URI1: variants seen among roughly 807,000 people sequenced by gnomAD.
The protein encoded by URI1 is unconventional prefoldin RPB5 interactor 1.
Under a neutral mutation model 60.2 loss-of-function variants are expected in URI1, and 39 were observed. The observed-to-expected ratio is 0.65, with a 90% CI of 0.50 to 0.85. The LOEUF (loss-of-function observed/expected upper bound fraction) is 0.85. Ranked by LOEUF, URI1 falls within the 40% of genes least tolerant of loss-of-function variation. The pLI, the probability that URI1 is intolerant of heterozygous loss-of-function variation, is 0.00. For missense variants in URI1, 691 were observed against 665.9 expected, an observed-to-expected ratio of 1.04 and a Z score of -0.42; for synonymous variants, 251 against 236.8, an observed-to-expected ratio of 1.06 and a Z score of -0.55.
intron 1 of URI1, among the ~76,000 whole-genome samples, chr19:29,931,910 TTGTGTGTG>T (rs56181840): frequency 1.6e-4 from 23 of 139,990 alleles, no homozygotes; most frequent in African/African-American, 4.8e-4. Flanking sequence ...GCTCTAACAG[TTGTGTGTG>T]TGTGTGTGTG....
intron 2 of URI1, among the ~76,000 whole-genome samples, chr19:29,982,116 A>T (rs1269447594): frequency 6.6e-6 from 1 of 152,222 alleles, no homozygotes; most frequent in Admixed American, 6.5e-5. Flanking sequence ...AGTTTCTTCC[A>T]GAGACATTGC....
chr19:29,997,479 T>C (rs1452908600), intron 4 of URI1, among the ~76,000 whole-genome samples: 1 of 152,144 alleles, frequency 6.6e-6, no homozygotes. Context: ...TTGTTGATCT[T>C]GTAAAAAACC....
chr19:29,965,602 A>G (rs1053901760), intron 1 of URI1, among the ~76,000 whole-genome samples: 11 of 152,328 alleles, frequency 7.2e-5, no homozygotes, highest in African/African-American at 1.9e-4. Flanking sequence ...GCCCTACCTC[A>G]TGGAGCTTTC....
At chr19:29,982,130 ACTC>A (rs1206554000) in intron 2 of URI1, among the ~76,000 whole-genome samples, 2 of 151,528 alleles carry the variant, frequency 1.3e-5, no homozygotes, top group Non-Finnish European at 2.9e-5. Context: ...ACATTGCTTG[ACTC>A]CTCCTGGCCT....
chr19:29,948,343 A>AGT (rs1230381309), intron 1 of URI1, among the ~76,000 whole-genome samples: 2 of 152,186 alleles, frequency 1.3e-5, no homozygotes, highest in Non-Finnish European at 2.9e-5. Context: ...TTTACCATTA[A>AGT]GTGTGGTATT....
intron 1 of URI1, among the ~76,000 whole-genome samples, chr19:29,944,737 A>C (rs950479347): frequency 3.3e-5 from 5 of 152,216 alleles, no homozygotes; most frequent in African/African-American, 9.6e-5. Flanking sequence ...GTGTAAAATT[A>C]TCCCCAGTTC....
chr19:29,943,648 A>G (rs1159210915), intron 1 of URI1, among the ~76,000 whole-genome samples: 1 of 152,100 alleles, frequency 6.6e-6, no homozygotes, highest in Non-Finnish European at 1.5e-5. Context: ...ACTCAGTTCT[A>G]CTAGATGGGG....
chr19:29,942,210 TG>T, upstream of URI1: 2 of 984,228 alleles, frequency 2.0e-6, no homozygotes, highest in Non-Finnish European at 2.4e-6. Flanking sequence ...CCTGCGCGCT[TG>T]CTTCCGGCGT....
intron 1 of URI1, among the ~76,000 whole-genome samples, chr19:29,947,921 A>G (rs1033354116): frequency 1.6e-4 from 24 of 152,178 alleles, no homozygotes; most frequent in Non-Finnish European, 2.9e-4. Flanking sequence ...TGCTTTTCAC[A>G]TTGAGAATCT....
Position 29,942,283 on chromosome 19 carries a change from A to G in URI1, c.-265A>G, listed in dbSNP as rs1320004972. 1.8e-5 allele frequency: 18 copies of G among 984,812 alleles called. No individual in the cohort carries two copies. The highest frequency in any genetic ancestry group is 2.2e-5 in the Non-Finnish European group (18 of 829,654). The allele number at this position is 984,812 out of a possible 1,614,324, so 61.0% of individuals were successfully genotyped here. ...CCACGCGACGCCTGGCTGGGCCCGC[A>G]CCGGAGAGGCGTCTCGGTACCTGGC... On this transcript the variant is annotated 5_prime_UTR_variant, in exon 1 of 11. Coordinates refer to ENST00000392271, the MANE Select transcript of URI1 (RefSeq NM_003796.3).
chr19:29,942,528 CT>C lies in URI1; in HGVS notation c.-19del, dbSNP rs2055041453. Reference sequence around the variant, plus strand: ...GCTGGTTCAGGACTCACACGCCGCGCTGAGGCCCGCGGGCCCGTCATGGAGG... The same window carrying C: ...GCTGGTTCAGGACTCACACGCCGCGCGAGGCCCGCGGGCCCGTCATGGAGG... On this transcript the variant is annotated 5_prime_UTR_variant, in exon 1 of 11. The change abolishes the stop of an existing upstream ORF in the 5' untranslated region. Transcript: ENST00000392271. The C allele has an allele frequency of 7.3e-7, 1 of 1,376,870 alleles. No individual in the cohort carries two copies. The highest frequency in any genetic ancestry group is 9.4e-7 in the Non-Finnish European group (1 of 1,064,690). 85.3% of individuals were successfully genotyped at this position (1,376,870 alleles called of 1,614,324 possible).
chr19:29,934,768 G>A (rs2054954547), intron 1 of URI1, among the ~76,000 whole-genome samples: 2 of 151,136 alleles, frequency 1.3e-5, no homozygotes, highest in Middle Eastern at 6.8e-3. Flanking sequence ...TGTTGCTCAG[G>A]ATAGTCTTGA....
chr19:29,977,613 G>T (rs1599694007), intron 2 of URI1, among the ~76,000 whole-genome samples: 1 of 130,296 alleles, frequency 7.7e-6, no homozygotes. Flanking sequence ...CAAACTTTCT[G>T]GAAATTTTGC....
chr19:29,947,565 G>C (rs2055118040), intron 1 of URI1, among the ~76,000 whole-genome samples: 1 of 152,202 alleles, frequency 6.6e-6, no homozygotes, highest in Non-Finnish European at 1.5e-5. Context: ...GATGAGTAAT[G>C]AGGTTGATGA....
At chr19:29,937,582 G>T (rs1458827627), upstream of URI1, 1 of 152,184 alleles carries the variant, frequency 6.6e-6, no homozygotes, top group Non-Finnish European at 1.5e-5. Context: ...AACTATGTTT[G>T]CAAAGTGTGT....
At chr19:29,991,609 C>T (rs1404602359) in intron 4 of URI1, among the ~76,000 whole-genome samples, 1 of 151,948 alleles carries the variant, frequency 6.6e-6, no homozygotes, top group East Asian at 1.9e-4. Context: ...TCTTGCCTTA[C>T]TTCCTTGGCT....
rs562970117 is a variant in URI1, at chr19:29,962,751, A to C, written c.118-8442A>C. Among the ~76,000 whole-genome samples the C allele has an allele frequency of 7.2e-5, 11 of 152,190 alleles. No homozygotes were observed. In the South Asian group the frequency reaches 2.3e-3, roughly 32 times the overall value. ...AGTTTAATAATTTTTTTGATAAGACATTTTATTAACAACATGTCTAGTTTA... is the reference window on the plus strand; with the variant it reads ...AGTTTAATAATTTTTTTGATAAGACCTTTTATTAACAACATGTCTAGTTTA... On this transcript the variant is annotated intron_variant, in intron 1 of 10. Coordinates refer to ENST00000392271, the MANE Select transcript of URI1 (RefSeq NM_003796.3).
chr19:29,955,556 A>G (rs335055), intron 1 of URI1, among the ~76,000 whole-genome samples: 1,806 of 152,332 alleles, frequency 0.012, 15 homozygotes, highest in African/African-American at 0.017. Context: ...ATAAAAATAC[A>G]TAAGAGAAAT....
At chr19:29,961,665 TTTTTTTTTTG>T (rs2055325771) in intron 1 of URI1, among the ~76,000 whole-genome samples, 1 of 99,552 alleles carries the variant, frequency 1.0e-5, no homozygotes. Flanking sequence ...CTTTTGATTC[TTTTTTTTTTG>T]TTTTTTTTTT....
Sources: gnomAD v4.1 joint callset for allele counts (sites outside exome capture counted in the v4.1 genomes callset) on GRCh38, gnomAD v4.1.1 for gene constraint, MANE v1.5 for transcripts, NCBI Gene and HGNC (gene_info 2026-07-23, HGNC 2026-07-21) for gene names.